CHM: variants seen among roughly 807,000 people sequenced by gnomAD.
The protein encoded by CHM is rab proteins geranylgeranyltransferase component A 1.
CHM carries 10 observed loss-of-function variants against 49.0 expected under a neutral mutation model. That is an observed-to-expected ratio of 0.20 (90% CI 0.13 to 0.35). The LOEUF (loss-of-function observed/expected upper bound fraction) is 0.35, where lower values mean the gene tolerates loss of function less well. Among genes scored for constraint, CHM ranks in the 10% least tolerant of loss-of-function variants. The pLI is 1.00. For synonymous variants in CHM, 184 were observed against 167.5 expected (o/e 1.10, Z -0.76); for missense variants, 455 against 478.4 (o/e 0.95, Z 0.46).
chrX:85,871,406 G>A (rs1569393031), intron 14 of CHM, among the ~76,000 whole-genome samples: 2 of 108,141 alleles, frequency 1.8e-5, no homozygotes, highest in African/African-American at 6.8e-5. Context: ...ATCTTCATTT[G>A]GAAAATACCA....
chrX:86,016,140 A>T (rs1459990546), intron 2 of CHM, among the ~76,000 whole-genome samples: 2 of 110,996 alleles, frequency 1.8e-5, no homozygotes, highest in Non-Finnish European at 3.8e-5. Context: ...CTCAAAAAAT[A>T]AAAATTAAAA....
chrX:86,019,840 G>C (rs1249119081), intron 2 of CHM: 1 of 111,652 alleles, frequency 9.0e-6, no homozygotes, highest in Non-Finnish European at 1.9e-5. Flanking sequence ...AGTAGAAACA[G>C]AAAGATCAAT....
Position 85,965,078 on chromosome X carries a change from C to G in CHM, c.315-1026G>C, listed in dbSNP as rs368375138. Among the ~76,000 whole-genome samples, 46 of 112,202 alleles carry G rather than the reference C, an allele frequency of 4.1e-4. 1 individual carries two copies. In the South Asian group the frequency reaches 0.013, roughly 32 times the overall value. Reference sequence around the variant, plus strand: ...CAAACCACCTTCCTTATTTACTAATCTTCTGGTTTCATCTCCACCTACTTT... The same window carrying G: ...CAAACCACCTTCCTTATTTACTAATGTTCTGGTTTCATCTCCACCTACTTT... On this transcript the variant is annotated intron_variant, in intron 4 of 14. Coordinates refer to ENST00000357749, the MANE Select transcript of CHM (RefSeq NM_000390.4).
intron 14 of CHM, among the ~76,000 whole-genome samples, chrX:85,870,198 T>C (rs926252176): frequency 1.3e-4 from 15 of 111,943 alleles, no homozygotes; most frequent in African/African-American, 4.2e-4. Flanking sequence ...TCTCATAAGA[T>C]TGTTTTGAGG....
intron 8 of CHM, among the ~76,000 whole-genome samples, chrX:85,950,198 A>C (rs1235943960): frequency 5.3e-5 from 5 of 94,344 alleles, no homozygotes; most frequent in Non-Finnish European, 1.1e-4. Context: ...CAGCTAAGGA[A>C]AAGCATTGCA....
chrX:86,029,108 T>G (rs917645455), intron 1 of CHM, among the ~76,000 whole-genome samples: 9 of 112,116 alleles, frequency 8.0e-5, no homozygotes, highest in African/African-American at 2.9e-4. Context: ...TTCTAACAAA[T>G]GTACTGAAAA....
intron 4 of CHM, among the ~76,000 whole-genome samples, chrX:85,965,727 T>G (rs1174378612): frequency 1.8e-5 from 2 of 111,530 alleles, no homozygotes; most frequent in African/African-American, 6.5e-5. Flanking sequence ...GGGACAATGA[T>G]AGAATAACAC....
intron 2 of CHM, among the ~76,000 whole-genome samples, chrX:85,991,681 T>C (rs1232622267): frequency 2.7e-5 from 3 of 111,568 alleles, no homozygotes; most frequent in Non-Finnish European, 5.7e-5. Context: ...AATATGTTAA[T>C]GTCTGTTATA....
chrX:85,874,839 T>C (rs1924318391), intron 13 of CHM, among the ~76,000 whole-genome samples: 1 of 111,799 alleles, frequency 8.9e-6, no homozygotes, highest in African/African-American at 3.2e-5. Flanking sequence ...GTAAACTGAT[T>C]AATGAGTTTA....
chrX:86,046,794 T>C (rs930952852), intron 1 of CHM, among the ~76,000 whole-genome samples: 2 of 111,873 alleles, frequency 1.8e-5, no homozygotes, highest in Non-Finnish European at 3.8e-5. Flanking sequence ...AAGAGTTAGA[T>C]AAGGTCACAC....
intron 8 of CHM, among the ~76,000 whole-genome samples, chrX:85,945,726 A>T (rs6524587): frequency 9.1e-6 from 1 of 109,776 alleles, no homozygotes; most frequent in Non-Finnish European, 1.9e-5. Context: ...CTGAAAATAC[A>T]GAAGCAACTT....
intron 4 of CHM, chrX:85,969,161 A>G (rs1389460182): frequency 2.0e-5 from 15 of 734,460 alleles, no homozygotes; most frequent in African/African-American, 4.7e-5. Context: ...GAAGGTAACA[A>G]ATAAGTTTTC....
At chrX:85,982,005 C>G (rs931089538) in intron 2 of CHM, among the ~76,000 whole-genome samples, 196 bp from the exon 3 acceptor site, 5 of 111,023 alleles carry the variant, frequency 4.5e-5, no homozygotes, top group African/African-American at 1.6e-4. Flanking sequence ...CCTCTCAGAT[C>G]CCAAAAGAAA....
intron 1 of CHM, chrX:86,047,137 A>T: frequency 3.1e-6 from 1 of 320,292 alleles, no homozygotes; most frequent in Non-Finnish European, 5.6e-6. Flanking sequence ...AAGGAATCAT[A>T]ATGTCTTGCC....
intron 5 of CHM, among the ~76,000 whole-genome samples, chrX:85,960,846 G>T (rs952905976): frequency 9.0e-6 from 1 of 111,511 alleles, no homozygotes. Context: ...TCCTTAGCAT[G>T]TTGGTTCCAT....
chrX:85,871,576 T>C (rs1460123759), intron 14 of CHM, among the ~76,000 whole-genome samples: 1 of 110,830 alleles, frequency 9.0e-6, no homozygotes, highest in African/African-American at 3.3e-5. Flanking sequence ...GATTAAAAGC[T>C]ATACAACAAA....
At chrX:85,940,316 C>A (rs1326026449) in intron 8 of CHM, among the ~76,000 whole-genome samples, 14 of 111,886 alleles carry the variant, frequency 1.3e-4, no homozygotes, top group African/African-American at 4.5e-4. Context: ...CAGAGCCAAA[C>A]GACATCACTG....
intron 2 of CHM, among the ~76,000 whole-genome samples, chrX:86,024,662 T>C (rs1468903642): frequency 8.9e-6 from 1 of 111,807 alleles, no homozygotes; most frequent in Non-Finnish European, 1.9e-5. Flanking sequence ...AAAAGAGATA[T>C]GGAGAGCTAT....
At chrX:86,021,695 G>C (rs955917797) in intron 2 of CHM, among the ~76,000 whole-genome samples, 1 of 111,503 alleles carries the variant, frequency 9.0e-6, no homozygotes, top group Non-Finnish European at 1.9e-5. Flanking sequence ...ACAGAAATCA[G>C]GATCTTGAAA....
Sources: allele counts gnomAD v4.1 joint callset (sites outside exome capture counted in the v4.1 genomes callset), GRCh38; gene constraint gnomAD v4.1.1; transcripts MANE v1.5; gene names NCBI Gene and HGNC (gene_info 2026-07-23, HGNC 2026-07-21).